PRKN: variants seen among roughly 807,000 people sequenced by gnomAD.
PRKN encodes parkin RBR E3 ubiquitin protein ligase, also known as E3 ubiquitin-protein ligase parkin.
PRKN carries 56 observed loss-of-function variants against 59.5 expected under a neutral mutation model. The observed-to-expected ratio is 0.94, with a 90% CI of 0.76 to 1.18. The LOEUF (loss-of-function observed/expected upper bound fraction) is 1.18. PRKN is among the 50% of genes most tolerant of loss of function. PRKN has a pLI of 0.00. For missense variants in PRKN, 657 were observed against 596.4 expected (o/e 1.10, Z -1.06); for synonymous variants, 250 against 222.1 (o/e 1.13, Z -1.12).
intron 6 of PRKN, among the ~76,000 whole-genome samples, chr6:161,968,187 A>ATTTT (rs530441181): frequency 2.3e-5 from 3 of 128,000 alleles, no homozygotes; most frequent in East Asian, 2.3e-4. Context: ...TGCCTGGCTA[A>ATTTT]TTTTTTTTTT....
intron 7 of PRKN, among the ~76,000 whole-genome samples, chr6:161,743,386 T>A (rs867335788): frequency 9.3e-5 from 13 of 140,292 alleles, no homozygotes; most frequent in African/African-American, 2.4e-4. Flanking sequence ...CATCCAGCTT[T>A]TTTATTTATT....
At chr6:162,389,990 T>C (rs1311267125) in intron 2 of PRKN, among the ~76,000 whole-genome samples, 1 of 152,140 alleles carries the variant, frequency 6.6e-6, no homozygotes, top group African/African-American at 2.4e-5. Context: ...GAGACAGTAT[T>C]TTTGTTTTTT....
chr6:161,894,032 TTCTA>T (rs1777516950), intron 6 of PRKN, among the ~76,000 whole-genome samples: 2 of 152,160 alleles, frequency 1.3e-5, no homozygotes, highest in South Asian at 4.1e-4. Flanking sequence ...CCCAGCTAAG[TTCTA>T]TGTGCTATAA....
chr6:162,664,268 C>T (rs980759410), intron 1 of PRKN, among the ~76,000 whole-genome samples: 7 of 152,080 alleles, frequency 4.6e-5, no homozygotes, highest in African/African-American at 1.2e-4. Context: ...GTATACGTAC[C>T]GCATTTTCTT....
At chr6:161,970,599 A>G (rs1360173796) in intron 6 of PRKN, among the ~76,000 whole-genome samples, 1 of 151,644 alleles carries the variant, frequency 6.6e-6, no homozygotes, top group Non-Finnish European at 1.5e-5. Context: ...GCGCAGTGGT[A>G]CAATCTTGGC....
At position 161,473,245 on chromosome 6, in the gene PRKN, A is replaced by C. The variant is rs1034064246; in HGVS notation, c.1083+75609T>G. Among the ~76,000 whole-genome samples, 1 of 152,024 alleles carries C rather than the reference A, an allele frequency of 6.6e-6. No homozygotes were observed. The highest frequency in any genetic ancestry group is 2.4e-5 in the African/African-American group (1 of 41,414). ...CAATAGCAAGATATGCAAACAACCT[A>C]AGTAAGCATCAAAGGATGAATGGAT... On this transcript the variant is annotated intron_variant, in intron 9 of 11. Transcript: ENST00000366898. The surrounding 1 kb of genome is among the most constrained non-coding windows in gnomAD (Gnocchi z 4.1).
At position 162,663,155 on chromosome 6, in the gene PRKN, C is replaced by T. The variant is rs770362661; in HGVS notation, c.7+64507G>A. On this transcript the variant is annotated intron_variant, in intron 1 of 11. Transcript: ENST00000366898. ...ACATTCCTTATCAGCTAATTCTTAGCAGAAAGCCTTTTATATATCAGGGAT... is the reference window on the plus strand; with the variant it reads ...ACATTCCTTATCAGCTAATTCTTAGTAGAAAGCCTTTTATATATCAGGGAT... 1.4e-4 allele frequency among the ~76,000 whole-genome samples: 22 copies of T among 152,150 alleles called. 1 individual carries two copies. Among genetic ancestry groups the T allele is most frequent in the Non-Finnish European group, 1.0e-4 (7 of 68,030 alleles).
At chr6:161,639,854 C>T (rs547698273) in intron 7 of PRKN, among the ~76,000 whole-genome samples, 36 of 152,316 alleles carry the variant, frequency 2.4e-4, no homozygotes, top group African/African-American at 5.3e-4. Flanking sequence ...TTGCACAAGG[C>T]GCAATGCCTA....
intron 3 of PRKN, among the ~76,000 whole-genome samples, chr6:162,235,941 G>A (rs1778649841): frequency 2.5e-5 from 2 of 79,866 alleles, no homozygotes; most frequent in East Asian, 8.0e-4. Flanking sequence ...AAGGAAGGAA[G>A]GAAGGAAGGA....
rs1787908705 is a variant in PRKN, at chr6:161,417,545, A to G, written c.1084-30668T>C. Among the ~76,000 whole-genome samples the G allele has an allele frequency of 1.3e-5, 2 of 152,046 alleles. No individual in the cohort carries two copies. The highest frequency in any genetic ancestry group is 6.6e-5 in the Admixed American group (1 of 15,254). ...TCTCTGAATTAAAGTGTATAAATGT[A>G]CCTTCTCCCATAACTCTGAGAATGG... On this transcript the variant is annotated intron_variant, in intron 9 of 11. Coordinates refer to ENST00000366898, the MANE Select transcript of PRKN (RefSeq NM_004562.3). The surrounding 1 kb of genome is among the most constrained non-coding windows in gnomAD (Gnocchi z 5.4).
At chr6:162,717,257 G>A (rs1157116708) in intron 1 of PRKN, among the ~76,000 whole-genome samples, 1 of 152,044 alleles carries the variant, frequency 6.6e-6, no homozygotes, top group Non-Finnish European at 1.5e-5. Flanking sequence ...GGCTAGCCCA[G>A]CGAACACCTT....
Position 161,685,498 on chromosome 6 carries a change from G to A in PRKN, c.871+100274C>T, listed in dbSNP as rs144893799. Among the ~76,000 whole-genome samples the A allele has an allele frequency of 1.7e-3, 257 of 152,322 alleles. 7 individuals carry two copies. In the East Asian group the frequency reaches 0.032, roughly 19 times the overall value. On this transcript the variant is annotated intron_variant, in intron 7 of 11. Transcript: ENST00000366898. Reference sequence around the variant, plus strand: ...GACATCTAACAGGTCATGAGTATGTGATTATCATGCTCAAATTTACACATA... The same window carrying A: ...GACATCTAACAGGTCATGAGTATGTAATTATCATGCTCAAATTTACACATA...
chr6:162,249,542 C>G (rs1779339320), intron 3 of PRKN, among the ~76,000 whole-genome samples: 1 of 152,082 alleles, frequency 6.6e-6, no homozygotes, highest in African/African-American at 2.4e-5. Flanking sequence ...GAATTCATCC[C>G]AATTTATATA....
chr6:162,289,144 C>G (rs554320158), intron 2 of PRKN, among the ~76,000 whole-genome samples: 1 of 149,834 alleles, frequency 6.7e-6, no homozygotes, highest in South Asian at 2.2e-4. Context: ...ATCAAGGCAT[C>G]GGCAGGGCTG....
intron 1 of PRKN, among the ~76,000 whole-genome samples, chr6:162,630,511 A>T (rs915763705): frequency 1.3e-5 from 2 of 152,190 alleles, no homozygotes; most frequent in Non-Finnish European, 2.9e-5. Flanking sequence ...GGTAATCATT[A>T]TCTAAAATCC....
intron 2 of PRKN, among the ~76,000 whole-genome samples, chr6:162,419,751 C>G (rs4708954): frequency 0.16 from 23,607 of 151,184 alleles, 2,124 homozygotes; most frequent in East Asian, 0.42. Context: ...GAGAGAGAGA[C>G]AGACACAGAG....
intron 5 of PRKN, among the ~76,000 whole-genome samples, chr6:162,006,197 C>G (rs564897551): frequency 6.6e-6 from 1 of 152,260 alleles, no homozygotes; most frequent in South Asian, 2.1e-4. Flanking sequence ...TAGCACCCAG[C>G]AGTTGCTTGG....
chr6:161,666,596 C>T (rs1784735563), intron 7 of PRKN, among the ~76,000 whole-genome samples: 1 of 152,198 alleles, frequency 6.6e-6, no homozygotes, highest in South Asian at 2.1e-4. Flanking sequence ...GCCAGTGAGT[C>T]ATTGCAACAA....
chr6:161,444,277 T>G lies in PRKN; in HGVS notation c.1084-57400A>C, dbSNP rs78667869. Among the ~76,000 whole-genome samples the G allele has an allele frequency of 8.5e-3, 1,298 of 152,308 alleles. 40 individuals are homozygous for G. The East Asian group carries it at 0.11, about 13-fold the overall frequency. Reference sequence around the variant, plus strand: ...AGAGGCTCCCAATCATCTGTCAACTTGTCTTTCCTATTTAGCAAACGATTG... The same window carrying G: ...AGAGGCTCCCAATCATCTGTCAACTGGTCTTTCCTATTTAGCAAACGATTG... On this transcript the variant is annotated intron_variant, in intron 9 of 11. Transcript: ENST00000366898. This position sits in a 1 kb window ranked among gnomAD's most constrained non-coding sequence, Gnocchi z 5.6.
Sources: gnomAD v4.1 joint callset for allele counts (sites outside exome capture counted in the v4.1 genomes callset) on GRCh38, gnomAD v4.1.1 for gene constraint, Gnocchi (gnomAD v3.1) non-coding constraint, MANE v1.5 for transcripts, NCBI Gene and HGNC (gene_info 2026-07-23, HGNC 2026-07-21) for gene names.